CSPP1: variants seen among roughly 807,000 people sequenced by gnomAD.
CSPP1 encodes centrosome and spindle pole associated protein 1, also known as centrosome and spindle pole-associated protein 1.
A neutral mutation model predicts 164.4 loss-of-function variants in CSPP1; 126 were observed. The observed-to-expected ratio is 0.77, with a 90% CI of 0.66 to 0.89. The LOEUF is 0.89. Ranked by LOEUF, CSPP1 falls within the 40% of genes least tolerant of loss-of-function variation. CSPP1 has a pLI of 0.00. For synonymous variants in CSPP1, 472 were observed against 476.7 expected (o/e 0.99, Z 0.13); for missense variants, 1,395 against 1,449.8 (o/e 0.96, Z 0.61).
chr8:67,192,287 C>T (rs1322091314), intron 29 of CSPP1, among the ~76,000 whole-genome samples: 1 of 152,052 alleles, frequency 6.6e-6, no homozygotes, highest in East Asian at 1.9e-4. Flanking sequence ...GTTGGCCAGG[C>T]TGGTCTTGAA....
intron 12 of CSPP1, among the ~76,000 whole-genome samples, chr8:67,115,568 G>A (rs747419350): frequency 2.0e-5 from 3 of 152,114 alleles, no homozygotes; most frequent in Non-Finnish European, 4.4e-5. Context: ...GCTACTCTGA[G>A]GCTGAGGCAG....
At chr8:67,079,075 C>G (rs1027849892) in intron 3 of CSPP1, among the ~76,000 whole-genome samples, 6 of 152,058 alleles carry the variant, frequency 3.9e-5, no homozygotes, top group African/African-American at 1.4e-4. Context: ...AGATGGTGAC[C>G]TCTGCCTTTT....
At chr8:67,083,548 A>AAAAAAAAAAAATATATATATAT (rs1332248754) in intron 3 of CSPP1, 2 of 91,484 alleles carry the variant, frequency 2.2e-5, no homozygotes, top group African/African-American at 4.4e-5. Context: ...AAAAAAAAAA[A>AAAAAAAAAAAATATATATATAT]ATATATATAT....
intron 24 of CSPP1, among the ~76,000 whole-genome samples, chr8:67,171,771 C>T (rs1233783229): frequency 1.3e-5 from 2 of 152,130 alleles, no homozygotes; most frequent in Non-Finnish European, 2.9e-5. Flanking sequence ...TGGTCTCAAA[C>T]TCCTGACCTC....
Position 67,091,830 on chromosome 8 carries a change from GATCCATC to G in CSPP1, c.332_338del (p.Asp111ValfsTer19). ...AAATTTTCTATCTACGAGTGAAACA[GATCCATC>G]TACTTTGGGAGTTTCTCTTCCTATT... is the stretch of plus-strand genomic sequence containing the variant. On this transcript the variant is annotated frameshift_variant, in exon 5 of 31. Transcript: ENST00000678616. LOFTEE classifies it high-confidence loss of function. 1 of 1,347,618 alleles carries G rather than the reference GATCCATC, an allele frequency of 7.4e-7. No individual in the cohort carries two copies. The highest frequency in any genetic ancestry group is 9.9e-7 in the Non-Finnish European group (1 of 1,010,404). 83.5% of individuals were successfully genotyped at this position (1,347,618 alleles called of 1,614,324 possible).
chr8:67,175,075 T>G, intron 25 of CSPP1: 2 of 480,272 alleles, frequency 4.2e-6, no homozygotes, highest in Non-Finnish European at 3.8e-6. Context: ...GTATTCCTTA[T>G]GTTGGTAAGT....
At chr8:67,171,852 T>G (rs1210624603) in intron 24 of CSPP1, among the ~76,000 whole-genome samples, 4 of 127,706 alleles carry the variant, frequency 3.1e-5, no homozygotes, top group Non-Finnish European at 6.7e-5. Flanking sequence ...CTGGCCAACT[T>G]TTTTTTCTTT....
At chr8:67,195,350 TACCTGAGCC>T in intron 30 of CSPP1, 23 bp from the exon 31 acceptor site, 1 of 1,483,300 alleles carries the variant, frequency 6.7e-7, no homozygotes, top group Middle Eastern at 2.0e-4. Flanking sequence ...CCACCTGTGT[TACCTGAGCC>T]ACGTGTCCCT....
chr8:67,190,697 C>G lies in CSPP1; in HGVS notation c.3268C>G (p.Pro1090Ala). 1 of 1,614,108 alleles carries G rather than the reference C, an allele frequency of 6.2e-7. No individual in the cohort carries two copies. The highest frequency in any genetic ancestry group is 8.5e-7 in the Non-Finnish European group (1 of 1,180,002). Residue 1090 changes from proline to alanine, a missense_variant, in exon 29 of 31, where the codon CCA (proline) becomes GCA (alanine). Pro to Ala is a conservative substitution (Grantham distance 27). Transcript: ENST00000678616. ...TGCCATTGAAGATGACGTCCTCCCT[C>G]CACCATCACAGTTGCCCTCTGCACG... is the stretch of plus-strand genomic sequence containing the variant. ...YPAIEDDVLPPPSQLPSARER... is the reference protein window; with the variant it reads ...YPAIEDDVLPAPSQLPSARER...
intron 2 of CSPP1, among the ~76,000 whole-genome samples, chr8:67,076,065 G>A (rs1214378320): frequency 2.6e-5 from 4 of 151,198 alleles, no homozygotes; most frequent in Admixed American, 2.0e-4. Context: ...AGCATTTCTG[G>A]GCCTCCTTAC....
At chr8:67,194,731 AT>A (rs1354543695) in intron 30 of CSPP1, among the ~76,000 whole-genome samples, 1 of 151,962 alleles carries the variant, frequency 6.6e-6, no homozygotes. Context: ...AGGAAGACAG[AT>A]TTTCCTATTA....
chr8:67,075,420 A>C (rs975727914), intron 2 of CSPP1, among the ~76,000 whole-genome samples: 4 of 152,224 alleles, frequency 2.6e-5, no homozygotes, highest in African/African-American at 7.2e-5. Context: ...CTGAGATGAT[A>C]AATAATATAG....
rs1171275894 is a variant in CSPP1, at chr8:67,083,531, C to CAAA, written c.200-2460_200-2458dup. On this transcript the variant is annotated intron_variant, in intron 3 of 30. Coordinates refer to ENST00000678616, the MANE Select transcript of CSPP1 (RefSeq NM_001382391.1). ...TGGGCAACAGAGTGAGACTTTGTCT[C>CAAA]AAAAAAAAAAAAAAAAAATATATAT... Among the ~76,000 whole-genome samples, 386 of 71,808 alleles carry CAAA rather than the reference C, an allele frequency of 5.4e-3. 12 individuals carry two copies. In the East Asian group the frequency reaches 0.054, roughly 10 times the overall value. 47.1% of individuals were successfully genotyped at this position (71,808 alleles called of 152,430 possible). A position where few individuals can be genotyped will look rare whatever the true frequency, so the allele number is the denominator to read the frequency against.
In CSPP1 at chr8:67,192,075, TTTG is replaced by T. The variant is rs1304812260; in HGVS notation, c.3330+1319_3330+1321del. Among the ~76,000 whole-genome samples, 32 of 134,758 alleles carry T rather than the reference TTTG, an allele frequency of 2.4e-4. 1 individual carries two copies. Among genetic ancestry groups the T allele is most frequent in the African/African-American group, 7.4e-4 (28 of 37,600 alleles). The allele number at this position is 134,758 out of a possible 152,430, so 88.4% of individuals were successfully genotyped here. A position where few individuals can be genotyped will look rare whatever the true frequency, so the allele number is the denominator to read the frequency against. ...AATCCTTTGCTGATTTGTTTTTTTTTTTGTTTTTTTTTTTTGATACAGAGTCCT... is the reference window on the plus strand; with the variant it reads ...AATCCTTTGCTGATTTGTTTTTTTTTTTTTTTTTTTTTGATACAGAGTCCT... On this transcript the variant is annotated intron_variant, in intron 29 of 30. Transcript: ENST00000678616.
At position 67,093,607 on chromosome 8, in the gene CSPP1, G is replaced by C; in HGVS notation, c.449G>C (p.Ser150Thr). ...TTTCTCAGGGGTAAGGAAGAATCCA[G>C]TGAAAAGTTCAGGCAGGTGGAAAAG... ...NQFLRGKEES[S>T]EKFRQVEKST... is the part of the protein sequence containing the mutation. The change falls in exon 6 of 31, where the codon AGT becomes ACT. Residue 150 changes from serine to threonine, a missense_variant. Physicochemically the swap from Ser to Thr is moderately conservative, Grantham distance 58. Transcript: ENST00000678616. 1 of 1,612,516 alleles carries C rather than the reference G, an allele frequency of 6.2e-7. No homozygotes were observed. Among genetic ancestry groups the C allele is most frequent in the Middle Eastern group, 1.7e-4 (1 of 6,058 alleles).
chr8:67,191,212 T>C (rs1027605596), intron 29 of CSPP1, among the ~76,000 whole-genome samples: 1 of 152,240 alleles, frequency 6.6e-6, no homozygotes, highest in Non-Finnish European at 1.5e-5. Flanking sequence ...CTTTACAATA[T>C]AGCCAGTAAA....
chr8:67,136,934 A>G (rs537561310), intron 16 of CSPP1, among the ~76,000 whole-genome samples: 3 of 152,156 alleles, frequency 2.0e-5, no homozygotes, highest in South Asian at 4.1e-4. Context: ...TTTGGTGTAT[A>G]TAGAGGAACA....
rs754709551 is a variant in CSPP1 at position 67,095,328 on chromosome 8, A to G, written c.519A>G (p.Gln173=). 6.3e-7 allele frequency: 1 copy of G among 1,594,806 alleles called. No individual in the cohort carries two copies. The highest frequency in any genetic ancestry group is 8.5e-7 in the Non-Finnish European group (1 of 1,175,080). Residue 173 remains glutamine (Q), a synonymous_variant, in exon 7 of 31, where the codon CAA becomes CAG. Coordinates refer to ENST00000678616, the MANE Select transcript of CSPP1 (RefSeq NM_001382391.1). ...KSQRNKKPIG[Q]VKPDLTSQIQ... is the part of the protein sequence containing the mutation. ...AGAGAAATAAAAAACCTATTGGTCA[A>G]GTTAAGCCTGATCTAACTTCACAAA...
intron 12 of CSPP1, chr8:67,115,036 T>C (rs1237036779): frequency 1.3e-5 from 2 of 152,258 alleles, no homozygotes; most frequent in Non-Finnish European, 2.9e-5. Flanking sequence ...AAAAAAGTTT[T>C]ATTGCAGCAC....
Sources: allele counts gnomAD v4.1 joint callset (sites outside exome capture counted in the v4.1 genomes callset), GRCh38; gene constraint gnomAD v4.1.1; transcripts MANE v1.5; gene names NCBI Gene and HGNC (gene_info 2026-07-23, HGNC 2026-07-21).